Variants in KCNH7 observed in about 807,000 individuals in gnomAD.
The protein encoded by KCNH7 is voltage-gated inwardly rectifying potassium channel KCNH7.
Under a neutral mutation model 120.8 loss-of-function variants are expected in KCNH7, and 49 were observed. That is an observed-to-expected ratio of 0.41 (90% CI 0.32 to 0.51). The LOEUF is 0.51. Among genes scored for constraint, KCNH7 ranks in the 20% least tolerant of loss-of-function variants. The probability of loss-of-function intolerance (pLI) is 0.38; values close to 1 mark genes in which losing one functional copy is unlikely to be tolerated. For missense variants in KCNH7, 1,097 were observed against 1,446.6 expected (o/e 0.76, Z 3.92); for synonymous variants, 547 against 516.1 (o/e 1.06, Z -0.81).
At chr2:162,804,871 C>T (rs1278408444) in intron 2 of KCNH7, among the ~76,000 whole-genome samples, 6 of 151,388 alleles carry the variant, frequency 4.0e-5, no homozygotes, top group Admixed American at 6.6e-5. Context: ...GCCGTATTTA[C>T]CAAAATAACA....
At chr2:162,752,978 GA>G (rs551354054) in intron 2 of KCNH7, among the ~76,000 whole-genome samples, 5 of 114,548 alleles carry the variant, frequency 4.4e-5, no homozygotes, top group African/African-American at 3.0e-4. Flanking sequence ...GAAAAGAAAA[GA>G]AAAGAAAAGA....
At position 162,583,088 on chromosome 2, in the gene KCNH7, G is replaced by T. The variant is rs573832119; in HGVS notation, c.308-46008C>A. ...AAATTTCAAAATTGCATCCCTGGTT[G>T]TATTTTTGAAGCTTTAAAAACCCCC... is the stretch of plus-strand genomic sequence containing the variant. On this transcript the variant is annotated intron_variant, in intron 2 of 15. Transcript: ENST00000332142. Among the ~76,000 whole-genome samples the T allele has an allele frequency of 1.1e-4, 17 of 152,138 alleles. No homozygotes were observed. In the South Asian group the frequency reaches 1.2e-3, roughly 11 times the overall value.
intron 2 of KCNH7, among the ~76,000 whole-genome samples, chr2:162,684,295 T>A (rs984020500): frequency 3.3e-5 from 5 of 151,858 alleles, no homozygotes; most frequent in African/African-American, 1.2e-4. Context: ...ATGGGCAAAG[T>A]CTTCATGACT....
intron 2 of KCNH7, among the ~76,000 whole-genome samples, chr2:162,669,684 C>T (rs1281730096): frequency 6.6e-6 from 1 of 152,148 alleles, no homozygotes; most frequent in Non-Finnish European, 1.5e-5. Flanking sequence ...GAGTTACTAG[C>T]ATCTAGTGAG....
At chr2:162,771,468 T>C (rs926764149) in intron 2 of KCNH7, among the ~76,000 whole-genome samples, 1 of 152,128 alleles carries the variant, frequency 6.6e-6, no homozygotes, top group African/African-American at 2.4e-5. Flanking sequence ...CCTCCCTCCA[T>C]GTTAAGGTAC....
intron 2 of KCNH7, among the ~76,000 whole-genome samples, chr2:162,778,022 A>T (rs1683317485): frequency 6.6e-6 from 1 of 152,156 alleles, no homozygotes; most frequent in African/African-American, 2.4e-5. Context: ...ATGATTCTCC[A>T]AATAATAGCA....
intron 2 of KCNH7, among the ~76,000 whole-genome samples, chr2:162,761,564 C>T (rs1688967158): frequency 1.3e-5 from 2 of 152,070 alleles, no homozygotes; most frequent in Admixed American, 6.6e-5. Context: ...TTCTACTAAG[C>T]ACTTTGAACA....
At chr2:162,407,852 T>A (rs1352093870) in intron 9 of KCNH7, among the ~76,000 whole-genome samples, 1 of 152,050 alleles carries the variant, frequency 6.6e-6, no homozygotes, top group Non-Finnish European at 1.5e-5. Context: ...GGAGGTACAG[T>A]CTACCAGGTG....
intron 2 of KCNH7, among the ~76,000 whole-genome samples, chr2:162,744,533 G>T (rs1165165696): frequency 7.0e-6 from 1 of 142,724 alleles, no homozygotes; most frequent in Non-Finnish European, 1.5e-5. Context: ...TGACCGTTTA[G>T]TTCTACACAT....
At chr2:162,481,460 C>T (rs1689926717) in intron 6 of KCNH7, among the ~76,000 whole-genome samples, 1 of 152,112 alleles carries the variant, frequency 6.6e-6, no homozygotes, top group Non-Finnish European at 1.5e-5. Context: ...TTCTTATCTT[C>T]CCACTTGGAA....
chr2:162,416,126 C>T (rs1377298476), intron 9 of KCNH7, among the ~76,000 whole-genome samples: 2 of 152,122 alleles, frequency 1.3e-5, no homozygotes, highest in Non-Finnish European at 2.9e-5. Flanking sequence ...CGTAGTGGCT[C>T]ACGCCTGTAA....
At chr2:162,413,775 T>C (rs934731154) in intron 9 of KCNH7, among the ~76,000 whole-genome samples, 3 of 151,246 alleles carry the variant, frequency 2.0e-5, no homozygotes, top group African/African-American at 4.9e-5. Context: ...AATTAGATAA[T>C]ATTAAAAAAA....
intron 2 of KCNH7, among the ~76,000 whole-genome samples, chr2:162,614,732 G>T (rs975655234): frequency 6.8e-6 from 1 of 147,852 alleles, no homozygotes; most frequent in Non-Finnish European, 1.5e-5. Flanking sequence ...ATATATATTT[G>T]TAGTGAAGTA....
chr2:162,663,582 T>G (rs1205195758), intron 2 of KCNH7, among the ~76,000 whole-genome samples: 2 of 152,110 alleles, frequency 1.3e-5, no homozygotes, highest in Non-Finnish European at 2.9e-5. Context: ...CTGTGAAAAT[T>G]TTCAAGATAA....
intron 14 of KCNH7, among the ~76,000 whole-genome samples, chr2:162,378,332 T>C (rs1686287960): frequency 6.6e-6 from 1 of 152,248 alleles, no homozygotes; most frequent in African/African-American, 2.4e-5. Context: ...GACCTTTTCC[T>C]ATGCTCACCA....
rs567135526 is a variant in KCNH7, at chr2:162,388,521, C to A, written c.2711-3582G>T. Among the ~76,000 whole-genome samples, 3 of 151,700 alleles carry A rather than the reference C, an allele frequency of 2.0e-5. No individual in the cohort carries two copies. In the South Asian group the frequency reaches 6.2e-4, roughly 31 times the overall value. On this transcript the variant is annotated intron_variant, in intron 12 of 15. Transcript: ENST00000332142. Reference sequence around the variant, plus strand: ...ACATGTCAATTATACTTCAATAAAGCTTGAAAAGATCAAAAGATACTTTTA... The same window carrying A: ...ACATGTCAATTATACTTCAATAAAGATTGAAAAGATCAAAAGATACTTTTA...
At chr2:162,379,803 C>T in intron 14 of KCNH7, 50 bp downstream of exon 14, 2 of 1,563,064 alleles carry the variant, frequency 1.3e-6, no homozygotes, top group Non-Finnish European at 1.7e-6. Flanking sequence ...AAAACTGGAC[C>T]CATGTAAGGG....
At chr2:162,381,598 G>A (rs1285898701) in intron 13 of KCNH7, among the ~76,000 whole-genome samples, 1 of 152,108 alleles carries the variant, frequency 6.6e-6, no homozygotes, top group Non-Finnish European at 1.5e-5. Context: ...TCCAAAGTCA[G>A]CATTAGAAAA....
intron 2 of KCNH7, among the ~76,000 whole-genome samples, chr2:162,584,918 T>A (rs1693980546): frequency 6.8e-6 from 1 of 147,822 alleles, no homozygotes; most frequent in East Asian, 2.0e-4. Flanking sequence ...TTTTTTTTTT[T>A]AGTCTGTAAA....
Sources: gnomAD v4.1 joint callset for allele counts (sites outside exome capture counted in the v4.1 genomes callset) on GRCh38, gnomAD v4.1.1 for gene constraint, MANE v1.5 for transcripts, NCBI Gene and HGNC (gene_info 2026-07-23, HGNC 2026-07-21) for gene names.